The following LRRC18 variants were observed in gnomAD, a reference collection of about 807,000 sequenced individuals.
LRRC18 encodes leucine rich repeat containing 18.
A neutral mutation model predicts 11.2 loss-of-function variants in LRRC18; 12 were observed. That is an observed-to-expected ratio of 1.07 (90% CI 0.69 to 1.74). LRRC18 has a LOEUF of 1.74. LRRC18 is among the 40% of genes most tolerant of loss of function. The pLI is 0.00. For missense variants in LRRC18, 374 were observed against 330.5 expected (o/e 1.13, Z -1.02); for synonymous variants, 155 against 130.6 (o/e 1.19, Z -1.27).
chr10:48,914,937 C>A (rs1838374650), upstream of LRRC18, among the ~76,000 whole-genome samples: 1 of 152,196 alleles, frequency 6.6e-6, no homozygotes, highest in African/African-American at 2.4e-5. Context: ...ATTCTCTCAT[C>A]CTTCACACTG....
exon 2 of LRRC18, chr10:48,910,171 G>A (rs1837867430): frequency 1.4e-6 from 2 of 1,405,972 alleles, no homozygotes; most frequent in Admixed American, 3.4e-5. Context: ...CTAACTGGGG[G>A]CTTCTCCTCT....
At chr10:48,932,393 C>T in the LRRC18 span, 7 of 152,192 alleles carry the variant, frequency 4.6e-5, no homozygotes, top group Non-Finnish European at 8.8e-5. Flanking sequence ...ACCTTTCAAG[C>T]ACTGACAAAT....
At chr10:48,926,764 G>A in the LRRC18 span, among the ~76,000 whole-genome samples, 2 of 152,154 alleles carry the variant, frequency 1.3e-5, no homozygotes, top group Non-Finnish European at 2.9e-5. Context: ...TAAGAGCTTG[G>A]TAATTGACAA....
At position 48,910,353 on chromosome 10, in the gene LRRC18, G is replaced by C; in HGVS notation, c.765-95C>G. ...GGTCACACCAGCTCACCAAGGTCAT[G>C]CCTGACCTTCAGGATGGTCAGGTTA... On this transcript the variant is annotated intron_variant, in intron 1 of 1. Transcript: ENST00000374160. The C allele has an allele frequency of 1.2e-5, 13 of 1,084,976 alleles. No homozygotes were observed. In the South Asian group the frequency reaches 1.5e-4, roughly 12 times the overall value. 67.2% of individuals were successfully genotyped at this position (1,084,976 alleles called of 1,614,324 possible).
At chr10:48,929,674 A>G in the LRRC18 span, among the ~76,000 whole-genome samples, 1 of 152,140 alleles carries the variant, frequency 6.6e-6, no homozygotes, top group Admixed American at 6.5e-5. Context: ...TTGCTCCCCA[A>G]TTCTGGACTC....
chr10:48,937,208 A>T, the LRRC18 span, among the ~76,000 whole-genome samples: 2 of 152,152 alleles, frequency 1.3e-5, no homozygotes, highest in Non-Finnish European at 2.9e-5. Flanking sequence ...TCAGATTTTT[A>T]ACGTATGTAC....
the LRRC18 span, among the ~76,000 whole-genome samples, chr10:48,928,353 CGTGTGTGTGTGTGT>C: frequency 1.2e-4 from 15 of 124,960 alleles, no homozygotes; most frequent in East Asian, 2.6e-4. Context: ...TTGGTTTTGA[CGTGTGTGTGTGTGT>C]GTGTGTGTGT....
At chr10:48,926,688 C>A in the LRRC18 span, among the ~76,000 whole-genome samples, 1 of 152,066 alleles carries the variant, frequency 6.6e-6, no homozygotes, top group African/African-American at 2.4e-5. Context: ...GGGTATATTT[C>A]TAAATATATA....
upstream of LRRC18, among the ~76,000 whole-genome samples, chr10:48,918,396 A>G (rs1838744111): frequency 6.6e-6 from 1 of 152,242 alleles, no homozygotes; most frequent in Admixed American, 6.5e-5. Context: ...AAGACATACC[A>G]TGCAAACACT....
chr10:48,927,587 G>A, the LRRC18 span, among the ~76,000 whole-genome samples: 1 of 152,198 alleles, frequency 6.6e-6, no homozygotes, highest in African/African-American at 2.4e-5. Flanking sequence ...GTGTCTTACT[G>A]GGATATTATG....
At chr10:48,918,493 T>C (rs146719609), upstream of LRRC18, among the ~76,000 whole-genome samples, 1,283 of 152,288 alleles carry the variant, frequency 8.4e-3, 25 homozygotes, top group African/African-American at 0.029. Flanking sequence ...CATTACTTAT[T>C]AATAAAATGA....
Position 48,913,539 on chromosome 10 carries a change from AG to A in LRRC18, c.616del (p.Leu206CysfsTer6), listed in dbSNP as rs1432779609. ...GCATTTTCTCAGGCAAGCCGCACACAGATCCTTCTCCTCCACAACATACAAG... is the reference window on the plus strand; with the variant it reads ...GCATTTTCTCAGGCAAGCCGCACACAATCCTTCTCCTCCACAACATACAAG... On this transcript the variant is annotated frameshift_variant, in exon 1 of 2. Coordinates refer to ENST00000374160, the Ensembl canonical transcript of LRRC18. LOFTEE classifies it high-confidence loss of function. 8 of 1,613,900 alleles carry A rather than the reference AG, an allele frequency of 5.0e-6. No homozygotes were observed. In the African/African-American group the frequency reaches 9.3e-5, roughly 19 times the overall value.
At chr10:48,918,899 G>A (rs1838793775), upstream of LRRC18, among the ~76,000 whole-genome samples, 1 of 152,158 alleles carries the variant, frequency 6.6e-6, no homozygotes, top group African/African-American at 2.4e-5. Context: ...ATTGCCAAAT[G>A]TCCACTGAGG....
the LRRC18 span, among the ~76,000 whole-genome samples, chr10:48,936,254 A>G: frequency 2.0e-5 from 3 of 152,256 alleles, no homozygotes; most frequent in East Asian, 5.8e-4. Context: ...TTAATACATA[A>G]ACATTACCAT....
At chr10:48,930,450 G>A in the LRRC18 span, among the ~76,000 whole-genome samples, 1 of 152,198 alleles carries the variant, frequency 6.6e-6, no homozygotes, top group Non-Finnish European at 1.5e-5. Flanking sequence ...GCACTATGGG[G>A]CTGGAGAGTG....
At chr10:48,933,267 G>A in the LRRC18 span, among the ~76,000 whole-genome samples, 3 of 152,312 alleles carry the variant, frequency 2.0e-5, no homozygotes, top group African/African-American at 7.2e-5. Context: ...CCTTCCTTTT[G>A]CCCAGCACAA....
upstream of LRRC18, among the ~76,000 whole-genome samples, chr10:48,919,225 G>A (rs1038675151): frequency 6.6e-6 from 1 of 151,952 alleles, no homozygotes; most frequent in African/African-American, 2.4e-5. Flanking sequence ...GAGTTAAAGG[G>A]AGGATTTACT....
At chr10:48,915,908 G>T (rs779637757), upstream of LRRC18, among the ~76,000 whole-genome samples, 2 of 152,190 alleles carry the variant, frequency 1.3e-5, no homozygotes, top group Non-Finnish European at 2.9e-5. Flanking sequence ...GGTTTCCAGA[G>T]CCAGCACCAT....
the LRRC18 span, among the ~76,000 whole-genome samples, chr10:48,931,711 A>C: frequency 1.3e-5 from 2 of 152,198 alleles, no homozygotes; most frequent in African/African-American, 4.8e-5. Flanking sequence ...GTCTAATCCT[A>C]AATTTCTTCT....
Sources: gnomAD v4.1 joint callset for allele counts (sites outside exome capture counted in the v4.1 genomes callset) on GRCh38, gnomAD v4.1.1 for gene constraint, MANE v1.5 for transcripts, NCBI Gene and HGNC (gene_info 2026-07-23, HGNC 2026-07-21) for gene names.